PDE1C: variants seen among roughly 807,000 people sequenced by gnomAD.
PDE1C encodes phosphodiesterase 1C, also known as dual specificity calcium/calmodulin-dependent 3',5'-cyclic nucleotide phosphodiesterase 1C.
PDE1C carries 62 observed loss-of-function variants against 93.1 expected under a neutral mutation model. That is an observed-to-expected ratio of 0.67 (90% CI 0.54 to 0.82). The LOEUF is 0.82. PDE1C is among the 40% of genes least tolerant of loss of function. PDE1C has a pLI of 0.00. For synonymous variants in PDE1C, 325 were observed against 310.1 expected (o/e 1.05, Z -0.50); for missense variants, 742 against 884.6 (o/e 0.84, Z 2.04).
intron 3 of PDE1C, among the ~76,000 whole-genome samples, chr7:32,118,309 G>T (rs913606595): frequency 6.6e-6 from 1 of 152,084 alleles, no homozygotes; most frequent in Non-Finnish European, 1.5e-5. Flanking sequence ...TGGACTTAAG[G>T]CCAGGCTCTT....
intron 3 of PDE1C, among the ~76,000 whole-genome samples, chr7:32,133,225 G>A (rs911184963): frequency 1.3e-5 from 2 of 152,154 alleles, no homozygotes; most frequent in African/African-American, 4.8e-5. Context: ...ACATACAGAA[G>A]AGCATGTCTA....
At chr7:32,081,741 T>C (rs1584721642) in intron 3 of PDE1C, among the ~76,000 whole-genome samples, 2 of 152,228 alleles carry the variant, frequency 1.3e-5, no homozygotes, top group African/African-American at 4.8e-5. Context: ...CCCTCTGCCT[T>C]CCATAGTGAA....
intron 14 of PDE1C, 88 bp from the exon 15 acceptor site, chr7:31,816,242 G>A: frequency 8.4e-7 from 1 of 1,193,508 alleles, no homozygotes; most frequent in Admixed American, 2.2e-5. Context: ...TACACAAAGA[G>A]TATCTAAGGT....
chr7:32,099,385 G>C lies in PDE1C; in HGVS notation c.308+70400C>G, dbSNP rs544091878. On this transcript the variant is annotated intron_variant, in intron 3 of 18. Transcript: ENST00000396193. ...CTAAGAATTTCCAATACATAACTGT[G>C]TGCTGTTCCTCAAAGCACTGTCTTC... Among the ~76,000 whole-genome samples the C allele has an allele frequency of 2.0e-5, 3 of 152,168 alleles. No homozygotes were observed. In the South Asian group the frequency reaches 6.2e-4, roughly 32 times the overall value.
At chr7:32,182,686 CAAT>C (rs1803528452) in intron 2 of PDE1C, among the ~76,000 whole-genome samples, 1 of 152,156 alleles carries the variant, frequency 6.6e-6, no homozygotes, top group Admixed American at 6.5e-5. Context: ...AACCCACAGG[CAAT>C]ATCATACTGA....
intron 1 of PDE1C, among the ~76,000 whole-genome samples, chr7:32,212,591 T>G (rs772127678): frequency 6.6e-6 from 1 of 152,122 alleles, no homozygotes; most frequent in Non-Finnish European, 1.5e-5. Context: ...CAGCACTCGG[T>G]CACATGCGCT....
chr7:32,418,634 C>A (rs1240483377), intron 1 of PDE1C, among the ~76,000 whole-genome samples: 1 of 152,146 alleles, frequency 6.6e-6, no homozygotes, highest in East Asian at 1.9e-4. Flanking sequence ...AGAACAGAGG[C>A]TTTATTTTTG....
the PDE1C span, among the ~76,000 whole-genome samples, chr7:31,690,076 C>T: frequency 5.3e-5 from 8 of 152,342 alleles, no homozygotes; most frequent in Middle Eastern, 3.4e-3. Context: ...TTATTCAATT[C>T]ATCGGCCAGA....
rs1276927404 is a variant in PDE1C, at chr7:32,374,198, G to A, written c.310+53624C>T. On this transcript the variant is annotated intron_variant, in intron 1 of 1. Coordinates refer to the PDE1C transcript ENST00000672256. ...AGAAAGAAAGAAAGAAAGAAAGAGA[G>A]GGAAAGAGAGGGAAAGAAAGGGAAA... is the stretch of plus-strand genomic sequence containing the variant. Among the ~76,000 whole-genome samples, 58 of 130,232 alleles carry A rather than the reference G, an allele frequency of 4.5e-4. 2 individuals are homozygous for A. Among genetic ancestry groups the A allele is most frequent in the African/African-American group, 2.0e-3 (56 of 28,604 alleles). 85.4% of individuals were successfully genotyped at this position (130,232 alleles called of 152,430 possible). A position where few individuals can be genotyped will look rare whatever the true frequency, so the allele number is the denominator to read the frequency against.
intron 1 of PDE1C, among the ~76,000 whole-genome samples, chr7:32,420,308 TAC>T (rs1347522044): frequency 1.7e-3 from 38 of 22,692 alleles, no homozygotes; most frequent in African/African-American, 4.7e-3. Flanking sequence ...TGTATATATA[TAC>T]ATGTGTATAT....
chr7:31,753,938 T>A (rs1266900727), intron 17 of PDE1C, among the ~76,000 whole-genome samples: 1 of 152,164 alleles, frequency 6.6e-6, no homozygotes, highest in East Asian at 1.9e-4. Flanking sequence ...CTTTTAGTGT[T>A]TGGAAAGTGG....
In PDE1C at chr7:31,752,222, G is replaced by T. The variant is rs1794175175; in HGVS notation, c.*1162C>A. The T allele has an allele frequency of 6.6e-6, 1 of 152,150 alleles. No homozygotes were observed. Among genetic ancestry groups the T allele is most frequent in the South Asian group, 2.1e-4 (1 of 4,822 alleles). The allele number at this position is 152,150 out of a possible 1,614,324, so 9.4% of individuals were successfully genotyped here. ...CTCACTGCACCAGGCTATTTCTGAAGAGATTGAAAGCTATCTCTAGTCTTG... is the reference window on the plus strand; with the variant it reads ...CTCACTGCACCAGGCTATTTCTGAATAGATTGAAAGCTATCTCTAGTCTTG... On this transcript the variant is annotated 3_prime_UTR_variant, in exon 18 of 18. Coordinates refer to ENST00000396191, the MANE Select transcript of PDE1C (RefSeq NM_001191057.4).
At chr7:32,070,210 G>T in intron 1 of PDE1C, 83 bp downstream of exon 1, 1 of 1,595,182 alleles carries the variant, frequency 6.3e-7, no homozygotes, top group Non-Finnish European at 8.5e-7. Flanking sequence ...CAGGAACAGG[G>T]TGAGCAGTCG....
At chr7:32,000,993 C>CGTGTGTGT (rs34671338) in intron 2 of PDE1C, among the ~76,000 whole-genome samples, 10 of 149,072 alleles carry the variant, frequency 6.7e-5, no homozygotes, top group African/African-American at 2.5e-4. Context: ...TGTGTGTATA[C>CGTGTGTGT]GTGTGTGTGT....
chr7:32,302,971 C>A (rs1812914755), upstream of PDE1C, among the ~76,000 whole-genome samples: 1 of 152,200 alleles, frequency 6.6e-6, no homozygotes, highest in African/African-American at 2.4e-5. Context: ...CTAGAAAGGG[C>A]CTCTTCCCAT....
chr7:32,120,980 T>C (rs532985057), intron 3 of PDE1C, among the ~76,000 whole-genome samples: 68 of 152,194 alleles, frequency 4.5e-4, no homozygotes, highest in South Asian at 2.3e-3. Flanking sequence ...CTAAGAATCT[T>C]GATAAAAGAT....
intron 1 of PDE1C, among the ~76,000 whole-genome samples, chr7:32,283,676 T>C (rs554843302): frequency 6.6e-6 from 1 of 152,188 alleles, no homozygotes; most frequent in Non-Finnish European, 1.5e-5. Context: ...ACAGCTGCTA[T>C]GACAACAAGA....
intron 2 of PDE1C, among the ~76,000 whole-genome samples, chr7:32,022,856 A>T (rs1310388645): frequency 6.6e-6 from 1 of 151,904 alleles, no homozygotes; most frequent in African/African-American, 2.4e-5. Flanking sequence ...ATGTCACTTT[A>T]TTTTAATCCC....
At chr7:31,628,455 T>C in the PDE1C span, among the ~76,000 whole-genome samples, 1 of 149,562 alleles carries the variant, frequency 6.7e-6, no homozygotes, top group Non-Finnish European at 1.5e-5. Context: ...TTCCTTTTTT[T>C]TTTTTCTTTT....
Sources: allele counts gnomAD v4.1 joint callset (sites outside exome capture counted in the v4.1 genomes callset), GRCh38; gene constraint gnomAD v4.1.1; transcripts MANE v1.5; gene names NCBI Gene and HGNC (gene_info 2026-07-23, HGNC 2026-07-21).